RANBP2: variants seen among roughly 807,000 people sequenced by gnomAD.
The protein encoded by RANBP2 is E3 SUMO-protein ligase RanBP2.
A neutral mutation model predicts 303.6 loss-of-function variants in RANBP2; 57 were observed. That is an observed-to-expected ratio of 0.19 (90% CI 0.15 to 0.23). The LOEUF (loss-of-function observed/expected upper bound fraction) is 0.23, where lower values mean the gene tolerates loss of function less well. Ranked by LOEUF, RANBP2 falls within the 10% of genes least tolerant of loss-of-function variation. The pLI is 1.00. For synonymous variants in RANBP2, 1,167 were observed against 1,301.5 expected (o/e 0.90, Z 2.23); for missense variants, 3,138 against 3,780.8 (o/e 0.83, Z 4.46).
At chr2:109,554,217 T>C in the RANBP2 span, among the ~76,000 whole-genome samples, 1 of 152,124 alleles carries the variant, frequency 6.6e-6, no homozygotes, top group Non-Finnish European at 1.5e-5. Context: ...AGGGAATAGA[T>C]GTTTGCAAAG....
the RANBP2 span, among the ~76,000 whole-genome samples, chr2:109,334,021 A>G: frequency 2.0e-5 from 3 of 152,188 alleles, no homozygotes; most frequent in African/African-American, 7.2e-5. Context: ...AGACTTTAGG[A>G]AAGTCCAGTC....
the RANBP2 span, among the ~76,000 whole-genome samples, chr2:109,107,568 A>G: frequency 6.6e-6 from 1 of 152,088 alleles, no homozygotes; most frequent in Admixed American, 6.6e-5. Context: ...TTCAGATATT[A>G]CTGGCCATGG....
the RANBP2 span, among the ~76,000 whole-genome samples, chr2:109,104,002 G>A: frequency 2.0e-5 from 3 of 151,984 alleles, no homozygotes; most frequent in African/African-American, 7.2e-5. Flanking sequence ...CACCATGTTA[G>A]CCAGGATGGT....
chr2:108,971,466 G>A, the RANBP2 span, among the ~76,000 whole-genome samples: 1,329 of 152,138 alleles, frequency 8.7e-3, 14 homozygotes, highest in African/African-American at 0.029. Flanking sequence ...AACCCTGCCC[G>A]CACAGTAGCA....
At chr2:109,774,513 T>TATATAA in the RANBP2 span, among the ~76,000 whole-genome samples, 556 of 67,104 alleles carry the variant, frequency 8.3e-3, 77 homozygotes, top group Admixed American at 0.012. Flanking sequence ...TATATATATA[T>TATATAA]AATATATATT....
chr2:108,874,337 G>A, the RANBP2 span, among the ~76,000 whole-genome samples: 1 of 152,042 alleles, frequency 6.6e-6, no homozygotes, highest in East Asian at 1.9e-4. Context: ...AGAATCATGG[G>A]CTTTGTTTCC....
intron 18 of RANBP2, among the ~76,000 whole-genome samples, chr2:108,760,733 G>T (rs1013248960): frequency 3.3e-5 from 5 of 152,056 alleles, no homozygotes; most frequent in Non-Finnish European, 7.4e-5. Context: ...CAGTTGTTTG[G>T]TTTCTTGGTA....
chr2:109,585,209 A>G, the RANBP2 span: 6 of 1,612,992 alleles, frequency 3.7e-6, no homozygotes, highest in Admixed American at 3.3e-5. Context: ...CCTGGAGTTC[A>G]TATGTCTGAG....
At chr2:108,760,199 G>A (rs992004651) in intron 18 of RANBP2, among the ~76,000 whole-genome samples, 7 of 152,182 alleles carry the variant, frequency 4.6e-5, no homozygotes, top group African/African-American at 1.7e-4. Context: ...TGAACAGGGT[G>A]AAGAAAACTA....
the RANBP2 span, among the ~76,000 whole-genome samples, chr2:108,906,538 T>G: frequency 6.6e-6 from 1 of 152,168 alleles, no homozygotes; most frequent in Non-Finnish European, 1.5e-5. Flanking sequence ...AGGGCCTTCT[T>G]CAGGTTTTCC....
the RANBP2 span, among the ~76,000 whole-genome samples, chr2:109,602,778 G>C: frequency 6.6e-6 from 1 of 151,532 alleles, no homozygotes; most frequent in African/African-American, 2.4e-5. Flanking sequence ...AATGAAATTT[G>C]AGAAGTCATT....
Position 108,751,975 on chromosome 2 carries a change from C to G in RANBP2, c.1736C>G (p.Ala579Gly). 1 of 1,611,912 alleles carries G rather than the reference C, an allele frequency of 6.2e-7. No individual in the cohort carries two copies. Among genetic ancestry groups the G allele is most frequent in the Non-Finnish European group, 8.5e-7 (1 of 1,179,836 alleles). The change falls in exon 12 of 29, where the codon GCA becomes GGA. Residue 579 changes from alanine to glycine, a missense_variant. Transcript: ENST00000283195. ...GLQPALLVHW[A>G]ECLQKTGSGL... ...CAACCTGCTCTGCTTGTACATTGGG[C>G]AGAATGCCTTCAGAAAACGGTGAGT... is the stretch of plus-strand genomic sequence containing the variant.
At chr2:109,288,629 C>T in the RANBP2 span, among the ~76,000 whole-genome samples, 1 of 152,190 alleles carries the variant, frequency 6.6e-6, no homozygotes, top group Non-Finnish European at 1.5e-5. Context: ...CAAGGCAAGT[C>T]ATTGTCACCC....
the RANBP2 span, among the ~76,000 whole-genome samples, chr2:109,510,451 C>G: frequency 2.6e-5 from 4 of 152,202 alleles, no homozygotes; most frequent in Non-Finnish European, 5.9e-5. Flanking sequence ...TTTGACAAGT[C>G]AGTCCGATGT....
At chr2:109,732,682 C>T in the RANBP2 span, 7 of 574,612 alleles carry the variant, frequency 1.2e-5, no homozygotes, top group East Asian at 1.7e-4. Flanking sequence ...GTTGGCCAGG[C>T]TGGTCTTGAA....
chr2:109,488,753 C>T, the RANBP2 span, among the ~76,000 whole-genome samples: 1 of 152,240 alleles, frequency 6.6e-6, no homozygotes, highest in Non-Finnish European at 1.5e-5. Context: ...TGAAGGGCTG[C>T]AACGAAATCC....
the RANBP2 span, among the ~76,000 whole-genome samples, chr2:109,408,147 CA>C: frequency 6.6e-6 from 1 of 152,288 alleles, no homozygotes; most frequent in East Asian, 1.9e-4. Flanking sequence ...CCACATCCTG[CA>C]GGGATCCACA....
chr2:109,419,788 G>C, the RANBP2 span: 4 of 715,058 alleles, frequency 5.6e-6, no homozygotes, highest in African/African-American at 1.8e-5. Flanking sequence ...TAACACCGCT[G>C]AAGGGAGAGT....
the RANBP2 span, among the ~76,000 whole-genome samples, chr2:109,674,987 A>G: frequency 1.9e-4 from 29 of 151,910 alleles, no homozygotes; most frequent in African/African-American, 6.8e-4. Context: ...TTTTTCTTTT[A>G]GAGACAGGGT....
Sources: allele counts gnomAD v4.1 joint callset (sites outside exome capture counted in the v4.1 genomes callset), GRCh38; gene constraint gnomAD v4.1.1; transcripts MANE v1.5; gene names NCBI Gene and HGNC (gene_info 2026-07-23, HGNC 2026-07-21).